ZNF667: variants seen among roughly 807,000 people sequenced by gnomAD.
The protein encoded by ZNF667 is myocardial ischemic preconditioning upregulated 1 ortholog.
Under a neutral mutation model 31.8 loss-of-function variants are expected in ZNF667, and 13 were observed. The ratio of observed to expected loss-of-function variants is 0.41; its 90% confidence interval spans 0.27 to 0.65. The LOEUF (loss-of-function observed/expected upper bound fraction) is 0.65, where lower values mean the gene tolerates loss of function less well. Ranked by LOEUF, ZNF667 falls within the 30% of genes least tolerant of loss-of-function variation. The pLI, the probability that ZNF667 is intolerant of heterozygous loss-of-function variation, is 0.32. For synonymous variants in ZNF667, 228 were observed against 247.1 expected (o/e 0.92, Z 0.73); for missense variants, 642 against 725.6 (o/e 0.88, Z 1.32).
At chr19:56,452,253 G>A (rs1600417346) in intron 6 of ZNF667, among the ~76,000 whole-genome samples, 2 of 151,854 alleles carry the variant, frequency 1.3e-5, no homozygotes, top group African/African-American at 2.4e-5. Flanking sequence ...TTTCACCATG[G>A]TGGCCAGGCT....
At chr19:56,456,051 CAG>C (rs1290909142) in intron 6 of ZNF667, among the ~76,000 whole-genome samples, 1 of 152,156 alleles carries the variant, frequency 6.6e-6, no homozygotes, top group Non-Finnish European at 1.5e-5. Context: ...TTGGGAATGA[CAG>C]AGATTTCTAC....
chr19:56,441,760 T>A lies in ZNF667; in HGVS notation c.1235A>T (p.Lys412Met). The A allele has an allele frequency of 6.2e-7, 1 of 1,614,096 alleles. No homozygotes were observed. Residue 412 changes from lysine (K) to methionine (M), a missense_variant, in exon 7 of 7, where the codon AAG becomes ATG. Coordinates refer to ENST00000504904, the MANE Select transcript of ZNF667 (RefSeq NM_001321356.2). This position sits in a 1 kb window ranked among gnomAD's most constrained non-coding sequence, Gnocchi z 4.2. ...ACATTCCTTACACTCAAATAGTTTCTTTTTCTTTGTATGAACTTTCTGATG... is the reference window on the plus strand; with the variant it reads ...ACATTCCTTACACTCAAATAGTTTCATTTTCTTTGTATGAACTTTCTGATG... Reference protein sequence around the residue: ...IQHQKVHTKKKKLFECKECGK... With the variant: ...IQHQKVHTKKMKLFECKECGK...
chr19:56,441,156 A>G lies in ZNF667; in HGVS notation c.*6T>C, dbSNP rs1394244137. Reference sequence around the variant, plus strand: ...CATTCGTTGATTTTATAGATTTAAAACAACCTTAGGCTTTTTCTTCAGAAT... The same window carrying G: ...CATTCGTTGATTTTATAGATTTAAAGCAACCTTAGGCTTTTTCTTCAGAAT... On this transcript the variant is annotated 3_prime_UTR_variant, in exon 7 of 7. Transcript: ENST00000504904. The surrounding 1 kb of genome is among the most constrained non-coding windows in gnomAD (Gnocchi z 4.2). The G allele has an allele frequency of 5.7e-6, 9 of 1,587,774 alleles. No homozygotes were observed. The highest frequency in any genetic ancestry group is 6.9e-6 in the Non-Finnish European group (8 of 1,165,530).
intron 5 of ZNF667, among the ~76,000 whole-genome samples, chr19:56,460,453 G>A (rs562267962): frequency 8.5e-5 from 13 of 152,152 alleles, no homozygotes; most frequent in African/African-American, 3.1e-4. Context: ...GTTTTTGGGT[G>A]GAAATAATGA....
At chr19:56,476,073 AC>A (rs1405437213) in intron 1 of ZNF667, among the ~76,000 whole-genome samples, 10 of 152,140 alleles carry the variant, frequency 6.6e-5, no homozygotes. Flanking sequence ...CTCACCATAA[AC>A]CTGAGGTTGG....
intron 6 of ZNF667, among the ~76,000 whole-genome samples, chr19:56,457,900 A>G (rs1568446350): frequency 6.6e-6 from 1 of 152,148 alleles, no homozygotes; most frequent in Non-Finnish European, 1.5e-5. Context: ...ATCATCTATA[A>G]TCACCTATAA....
Position 56,440,962 on chromosome 19 carries a change from T to G in ZNF667, c.*200A>C, listed in dbSNP as rs1008301627. Reference sequence around the variant, plus strand: ...AATGAAAAATGATCTTCATTCACAATGACTGACCAAACTTCTGAGTTTCCT... The same window carrying G: ...AATGAAAAATGATCTTCATTCACAAGGACTGACCAAACTTCTGAGTTTCCT... On this transcript the variant is annotated 3_prime_UTR_variant, in exon 7 of 7. Transcript: ENST00000504904. 3 of 1,407,680 alleles carry G rather than the reference T, an allele frequency of 2.1e-6. No homozygotes were observed. In the African/African-American group the frequency reaches 4.3e-5, roughly 20 times the overall value. 87.2% of individuals were successfully genotyped at this position (1,407,680 alleles called of 1,614,324 possible). A position where few individuals can be genotyped will look rare whatever the true frequency, so the allele number is the denominator to read the frequency against.
intron 5 of ZNF667, among the ~76,000 whole-genome samples, chr19:56,459,237 G>A (rs1339760738): frequency 1.3e-5 from 2 of 152,160 alleles, no homozygotes; most frequent in East Asian, 3.9e-4. Context: ...ATTCGACAAA[G>A]CAAACTATTT....
At chr19:56,450,940 C>T (rs191282095) in intron 6 of ZNF667, among the ~76,000 whole-genome samples, 2 of 152,138 alleles carry the variant, frequency 1.3e-5, no homozygotes, top group Admixed American at 6.5e-5. Context: ...GAAAAGGCCA[C>T]AAAACAACCA....
chr19:56,468,498 C>G (rs2043215031), intron 3 of ZNF667: 1 of 152,264 alleles, frequency 6.6e-6, no homozygotes, highest in African/African-American at 2.4e-5. Context: ...AACCAACGTA[C>G]ATCTCACACA....
At position 56,441,408 on chromosome 19, in the gene ZNF667, G is replaced by C. The variant is rs61740675; in HGVS notation, c.1587C>G (p.Cys529Trp). 1 of 1,613,992 alleles carries C rather than the reference G, an allele frequency of 6.2e-7. No individual in the cohort carries two copies. Among genetic ancestry groups the C allele is most frequent in the Non-Finnish European group, 8.5e-7 (1 of 1,180,040 alleles). ...GACTAAAGGCCTTACCACATGTTTTGCATGTATATGGCTTCTCTCCAGTGT... is the reference window on the plus strand; with the variant it reads ...GACTAAAGGCCTTACCACATGTTTTCCATGTATATGGCTTCTCTCCAGTGT... Reference protein sequence around the residue: ...RIHTGEKPYTCKTCGKAFSQR... With the variant: ...RIHTGEKPYTWKTCGKAFSQR... The change falls in exon 7 of 7, where the codon TGC (cysteine) becomes TGG (tryptophan). Residue 529 changes from cysteine (C) to tryptophan (W), a missense_variant. Coordinates refer to ENST00000504904, the MANE Select transcript of ZNF667 (RefSeq NM_001321356.2). This position sits in a 1 kb window ranked among gnomAD's most constrained non-coding sequence, Gnocchi z 4.2.
rs1346883818 is a variant in ZNF667, at chr19:56,441,843, T to G, written c.1152A>C (p.Lys384Asn). 6.2e-7 allele frequency: 1 copy of G among 1,614,012 alleles called. No individual in the cohort carries two copies. Among genetic ancestry groups the G allele is most frequent in the Non-Finnish European group, 8.5e-7 (1 of 1,180,032 alleles). The change falls in exon 7 of 7, where the codon AAA (lysine) becomes AAC (asparagine). Residue 384 changes from lysine (K) to asparagine (N), a missense_variant. Physicochemically the swap from Lys to Asn is moderately conservative, Grantham distance 94. Coordinates refer to ENST00000504904, the MANE Select transcript of ZNF667 (RefSeq NM_001321356.2). This position sits in a 1 kb window ranked among gnomAD's most constrained non-coding sequence, Gnocchi z 4.2. ...ILHLRIHNGE[K>N]LYRCNKCEKV... ...TCTCACATTTATTGCATCTGTATAGTTTTTCTCCATTATGAATTCTTAGAT... is the reference window on the plus strand; with the variant it reads ...TCTCACATTTATTGCATCTGTATAGGTTTTCTCCATTATGAATTCTTAGAT...
intron 6 of ZNF667, among the ~76,000 whole-genome samples, chr19:56,450,030 G>A (rs2042788364): frequency 6.6e-6 from 1 of 151,720 alleles, no homozygotes; most frequent in Non-Finnish European, 1.5e-5. Flanking sequence ...TTAAAGAGAA[G>A]GCAGAGAGAC....
intron 4 of ZNF667, 40 bp from the exon 5 acceptor site, chr19:56,460,855 T>C (rs1568448365): frequency 1.3e-6 from 2 of 1,532,956 alleles, no homozygotes; most frequent in Middle Eastern, 1.8e-4. Context: ...CATGGACTTG[T>C]GCTTCCACAT....
At chr19:56,452,822 A>C (rs2042860690) in intron 6 of ZNF667, among the ~76,000 whole-genome samples, 1 of 151,916 alleles carries the variant, frequency 6.6e-6, no homozygotes, top group South Asian at 2.1e-4. Context: ...CAGGAGGCTG[A>C]GGCAGGAGAA....
chr19:56,456,682 G>C (rs2042937662), intron 6 of ZNF667, among the ~76,000 whole-genome samples: 1 of 152,188 alleles, frequency 6.6e-6, no homozygotes, highest in South Asian at 2.1e-4. Flanking sequence ...ATGGAAAATA[G>C]GACATGAGAG....
chr19:56,450,764 G>A (rs767705990), intron 6 of ZNF667, among the ~76,000 whole-genome samples: 1 of 152,090 alleles, frequency 6.6e-6, no homozygotes, highest in Non-Finnish European at 1.5e-5. Flanking sequence ...CTCTTTGCTT[G>A]TTTGTTGGTT....
At chr19:56,443,179 G>A (rs1346996688) in intron 6 of ZNF667, among the ~76,000 whole-genome samples, 1 of 151,996 alleles carries the variant, frequency 6.6e-6, no homozygotes, top group African/African-American at 2.4e-5. Flanking sequence ...TCTAATACTG[G>A]ATCATATTGA....
rs542797005 is a variant in ZNF667, at chr19:56,462,621, T to C, written c.-59-192A>G. 1.4e-4 allele frequency among the ~76,000 whole-genome samples: 22 copies of C among 152,292 alleles called. No individual in the cohort carries two copies. The East Asian group carries it at 4.3e-3, about 29-fold the overall frequency. ...TCAGGGAAGGGCACGGCCAACCCTT[T>C]TTGTGCCTAAGATCATAGCAGGTTC... On this transcript the variant is annotated intron_variant, in intron 3 of 6. Transcript: ENST00000504904.
Sources: gnomAD v4.1 joint callset for allele counts (sites outside exome capture counted in the v4.1 genomes callset) on GRCh38, gnomAD v4.1.1 for gene constraint, Gnocchi (gnomAD v3.1) non-coding constraint, MANE v1.5 for transcripts, NCBI Gene and HGNC (gene_info 2026-07-23, HGNC 2026-07-21) for gene names.